Variants in NRXN1 observed in about 807,000 individuals in gnomAD.
NRXN1 encodes neurexin 1, also known as neurexin-1.
A neutral mutation model predicts 150.9 loss-of-function variants in NRXN1; 39 were observed. That is an observed-to-expected ratio of 0.26 (90% CI 0.20 to 0.34). NRXN1 has a LOEUF of 0.34. NRXN1 is among the 10% of genes least tolerant of loss of function. The pLI is 1.00. For synonymous variants in NRXN1, 924 were observed against 757.0 expected (o/e 1.22, Z -3.62); for missense variants, 1,815 against 1,949.9 (o/e 0.93, Z 1.30).
intron 18 of NRXN1, among the ~76,000 whole-genome samples, chr2:50,094,014 A>G (rs1699911413): frequency 6.6e-6 from 1 of 152,244 alleles, no homozygotes; most frequent in Non-Finnish European, 1.5e-5. Context: ...TCCTGCTAGA[A>G]TAGCATCACT....
intron 2 of NRXN1, among the ~76,000 whole-genome samples, chr2:50,976,422 T>C (rs12621330): frequency 0.22 from 33,749 of 151,844 alleles, 4,112 homozygotes; most frequent in Non-Finnish European, 0.28. Flanking sequence ...TGCTGTGTCA[T>C]GCACAGTTTT....
intron 8 of NRXN1, among the ~76,000 whole-genome samples, chr2:50,614,495 GA>G (rs1678714354): frequency 6.6e-6 from 1 of 151,874 alleles, no homozygotes; most frequent in Non-Finnish European, 1.5e-5. Flanking sequence ...CAAAAAAGGG[GA>G]GGAGCGGGGA....
intron 15 of NRXN1, among the ~76,000 whole-genome samples, chr2:50,493,691 G>A (rs1360661962): frequency 6.6e-6 from 1 of 152,172 alleles, no homozygotes; most frequent in Non-Finnish European, 1.5e-5. Context: ...TGGGATGACT[G>A]TTGCCATCGG....
chr2:50,983,927 C>T (rs1697254874), intron 2 of NRXN1, among the ~76,000 whole-genome samples: 1 of 151,754 alleles, frequency 6.6e-6, no homozygotes, highest in Non-Finnish European at 1.5e-5. Context: ...TGGCAAAAAG[C>T]TAGAGCAAAC....
chr2:50,082,974 T>A (rs1698179587), intron 19 of NRXN1, among the ~76,000 whole-genome samples: 2 of 151,846 alleles, frequency 1.3e-5, no homozygotes, highest in African/African-American at 4.9e-5. Flanking sequence ...AATGCATTTG[T>A]TTTGGGGGCA....
At chr2:50,166,987 T>C (rs1246585382) in intron 18 of NRXN1, among the ~76,000 whole-genome samples, 2 of 152,114 alleles carry the variant, frequency 1.3e-5, no homozygotes, top group Admixed American at 1.3e-4. Context: ...AAAACTTCCA[T>C]GGTTTACTCA....
intron 19 of NRXN1, among the ~76,000 whole-genome samples, chr2:50,073,560 T>C (rs1206079719): frequency 6.6e-6 from 1 of 152,228 alleles, no homozygotes; most frequent in East Asian, 1.9e-4. Flanking sequence ...TCCTGCTTTT[T>C]GCTGGCGAAA....
At chr2:50,440,521 G>C (rs1396929578) in intron 17 of NRXN1, among the ~76,000 whole-genome samples, 1 of 152,046 alleles carries the variant, frequency 6.6e-6, no homozygotes, top group Non-Finnish European at 1.5e-5. Flanking sequence ...TTTGATAGAT[G>C]TCAAGTTTAA....
chr2:50,790,493 T>C (rs980855102), intron 5 of NRXN1, among the ~76,000 whole-genome samples: 1 of 152,094 alleles, frequency 6.6e-6, no homozygotes, highest in Non-Finnish European at 1.5e-5. Flanking sequence ...TGGTGGCAGG[T>C]ACCTGTAACC....
At chr2:50,532,058 C>T (rs143064458) in intron 10 of NRXN1, among the ~76,000 whole-genome samples, 1 of 152,118 alleles carries the variant, frequency 6.6e-6, no homozygotes, top group East Asian at 1.9e-4. Context: ...CCTTTGTTGC[C>T]AAGGCTGGTC....
chr2:50,853,783 A>G (rs1674869321), intron 5 of NRXN1, among the ~76,000 whole-genome samples: 1 of 152,094 alleles, frequency 6.6e-6, no homozygotes, highest in African/African-American at 2.4e-5. Context: ...TGTACTTGTC[A>G]CTGTTATTTT....
intron 5 of NRXN1, among the ~76,000 whole-genome samples, chr2:50,695,717 G>C (rs1692727662): frequency 6.6e-6 from 1 of 152,156 alleles, no homozygotes; most frequent in South Asian, 2.1e-4. Context: ...ATAGTAGGAA[G>C]AGTTGAAGAT....
At chr2:50,445,197 C>A (rs1030779666) in intron 17 of NRXN1, among the ~76,000 whole-genome samples, 1 of 152,030 alleles carries the variant, frequency 6.6e-6, no homozygotes, top group African/African-American at 2.4e-5. Context: ...CCCACATAAC[C>A]AAAACAACCA....
At position 50,785,886 on chromosome 2, in the gene NRXN1, C is replaced by T. The variant is rs1354501826; in HGVS notation, c.832+135983G>A. Among the ~76,000 whole-genome samples the T allele has an allele frequency of 3.3e-5, 5 of 152,140 alleles. No individual in the cohort carries two copies. In the South Asian group the frequency reaches 1.0e-3, roughly 32 times the overall value. ...AACTGTTGTCCAACTACTATTATAT[C>T]CTGAATCTATTTTCATTCCTGAAGT... On this transcript the variant is annotated intron_variant, in intron 5 of 22. Transcript: ENST00000401669.
chr2:49,934,040 T>G (rs1670589281), intron 22 of NRXN1, among the ~76,000 whole-genome samples: 1 of 152,332 alleles, frequency 6.6e-6, no homozygotes, highest in South Asian at 2.1e-4. Context: ...CTGTGAGACA[T>G]TCTATCTTTA....
At chr2:50,143,902 C>A (rs546345066) in intron 18 of NRXN1, among the ~76,000 whole-genome samples, 2 of 151,828 alleles carry the variant, frequency 1.3e-5, no homozygotes, top group Non-Finnish European at 2.9e-5. Flanking sequence ...CTAATTCTAA[C>A]GTTACCCGTA....
intron 18 of NRXN1, among the ~76,000 whole-genome samples, chr2:50,184,706 G>A (rs1217705535): frequency 2.0e-5 from 3 of 151,040 alleles, no homozygotes; most frequent in African/African-American, 7.4e-5. Context: ...GTCTCTCTCT[G>A]TCTCTCTGTC....
intron 21 of NRXN1, among the ~76,000 whole-genome samples, chr2:50,010,475 C>G (rs926946697): frequency 6.6e-6 from 1 of 152,128 alleles, no homozygotes; most frequent in African/African-American, 2.4e-5. Flanking sequence ...CAACCAGATT[C>G]TGGTAGAGCT....
At chr2:50,548,572 C>T (rs1277399867) in intron 9 of NRXN1, among the ~76,000 whole-genome samples, 2 of 151,872 alleles carry the variant, frequency 1.3e-5, no homozygotes, top group African/African-American at 4.8e-5. Context: ...GGTTGTTTGG[C>T]ACTGTACTAC....
Sources: allele counts gnomAD v4.1 joint callset (sites outside exome capture counted in the v4.1 genomes callset), GRCh38; gene constraint gnomAD v4.1.1; transcripts MANE v1.5; gene names NCBI Gene and HGNC (gene_info 2026-07-23, HGNC 2026-07-21).